Variants in DNAH12 observed in about 807,000 individuals in gnomAD.
The protein encoded by DNAH12 is dynein axonemal heavy chain 12.
DNAH12 carries 285 observed loss-of-function variants against 371.5 expected under a neutral mutation model. The ratio of observed to expected loss-of-function variants is 0.77; its 90% CI spans 0.70 to 0.85. The LOEUF is 0.85. Ranked by LOEUF, DNAH12 falls within the 40% of genes least tolerant of loss-of-function variation. The pLI is 0.00. For missense variants in DNAH12, 3,611 were observed against 3,689.4 expected (o/e 0.98, Z 0.55); for synonymous variants, 1,200 against 1,213.0 (o/e 0.99, Z 0.22).
intron 2 of DNAH12, among the ~76,000 whole-genome samples, chr3:57,527,281 G>C (rs1229769140): frequency 1.3e-5 from 2 of 152,148 alleles, no homozygotes; most frequent in Non-Finnish European, 2.9e-5. Flanking sequence ...AGGATTGCTT[G>C]AGCCCAGGAG....
At chr3:57,449,316 G>C (rs1399148390) in intron 25 of DNAH12, among the ~76,000 whole-genome samples, 1 of 152,236 alleles carries the variant, frequency 6.6e-6, no homozygotes, top group Non-Finnish European at 1.5e-5. Context: ...TGCAGGTGGA[G>C]CTGCCTGCCA....
chr3:57,421,631 A>G lies in DNAH12; in HGVS notation c.5449T>C (p.Phe1817Leu), dbSNP rs1010153577. 2.6e-5 allele frequency: 40 copies of G among 1,551,538 alleles called. No homozygotes were observed. The Middle Eastern group carries it at 5.0e-4, about 19-fold the overall frequency. ...TTTCCCAGTATGATTAATCGTATGA[A>G]AGTATCAAAAACACGACGGCCATCT... Reference protein sequence around the residue: ...DTDGRRVFDTFIRLIILGKDD... With the variant: ...DTDGRRVFDTLIRLIILGKDD... The change falls in exon 36 of 74, where the codon TTC (phenylalanine) becomes CTC (leucine). Residue 1817 changes from phenylalanine (F) to leucine (L), a missense_variant. By Grantham distance (22) the Phe-to-Leu change is conservative. Transcript: ENST00000495027.
At chr3:57,410,541 G>A (rs947916196) in intron 39 of DNAH12, among the ~76,000 whole-genome samples, 8 of 152,010 alleles carry the variant, frequency 5.3e-5, no homozygotes, top group East Asian at 1.9e-4. Context: ...CCTCCAGGCC[G>A]GGTGTGGTGG....
intron 58 of DNAH12, among the ~76,000 whole-genome samples, chr3:57,361,411 TAC>T (rs1180071289): frequency 5.0e-5 from 7 of 139,944 alleles, no homozygotes; most frequent in African/African-American, 8.7e-5. Context: ...TATATATATA[TAC>T]ACACACACTA....
chr3:57,429,892 T>A (rs999335399), intron 32 of DNAH12, 118 bp from the exon 33 acceptor site: 1 of 838,892 alleles, frequency 1.2e-6, no homozygotes, highest in Non-Finnish European at 1.8e-6. Flanking sequence ...AGAATTAGAA[T>A]GGAAGCCAGA....
At chr3:57,495,920 T>C (rs1008084766) in intron 11 of DNAH12, among the ~76,000 whole-genome samples, 2 of 141,422 alleles carry the variant, frequency 1.4e-5, no homozygotes, top group East Asian at 2.0e-4. Context: ...TATATTTCTA[T>C]ATTTATATAT....
intron 13 of DNAH12, among the ~76,000 whole-genome samples, chr3:57,474,974 CAA>C (rs34435525): frequency 6.1e-5 from 9 of 146,510 alleles, no homozygotes; most frequent in South Asian, 2.2e-4. Context: ...GACTCTTTCT[CAA>C]AAAAAAAAAG....
intron 50 of DNAH12, among the ~76,000 whole-genome samples, chr3:57,381,244 T>C (rs979915736): frequency 1.6e-4 from 24 of 151,428 alleles, no homozygotes; most frequent in Non-Finnish European, 2.5e-4. Flanking sequence ...GAGGTGTGTG[T>C]GTGTGTGTGT....
At chr3:57,415,662 A>G in intron 37 of DNAH12, 98 bp from the exon 38 acceptor site, 1 of 1,195,468 alleles carries the variant, frequency 8.4e-7, no homozygotes, top group Non-Finnish European at 1.1e-6. Flanking sequence ...ATAAGAATCA[A>G]ATCATCTTCA....
In DNAH12 at chr3:57,501,318, T is replaced by A. The variant is rs780066654; in HGVS notation, c.1335+3A>T. 3.1e-6 allele frequency: 5 copies of A among 1,599,684 alleles called. No homozygotes were observed. In the South Asian group the frequency reaches 5.7e-5, roughly 18 times the overall value. ...CATTAATAAAAACAGAATTACCGCT[T>A]ACCTCTGTATATTCATCAAAAGTAT... On this transcript the variant is annotated splice_donor_region_variant and intron_variant, in intron 11 of 73. Transcript: ENST00000495027.
chr3:57,317,152 A>G (rs1245723772), intron 65 of DNAH12, among the ~76,000 whole-genome samples: 1 of 152,162 alleles, frequency 6.6e-6, no homozygotes, highest in Non-Finnish European at 1.5e-5. Flanking sequence ...TAACACTATC[A>G]TGGCTGTTGC....
chr3:57,490,323 C>T (rs1184913379), intron 11 of DNAH12, among the ~76,000 whole-genome samples: 1 of 152,000 alleles, frequency 6.6e-6, no homozygotes, highest in Non-Finnish European at 1.5e-5. Context: ...CAGGGTAAGA[C>T]TCTATCTGTT....
In DNAH12 at chr3:57,296,445, T is replaced by C. The variant is rs753350514; in HGVS notation, c.11533-10A>G. On this transcript the variant is annotated splice_polypyrimidine_tract_variant and intron_variant, in intron 71 of 73. Coordinates refer to ENST00000495027, the MANE Select transcript of DNAH12 (RefSeq NM_001366028.2). ...TATCAGATGGGATAACCTGAAGGGATAGGCACACACTAGCAGTGATCCTCT... is the reference window on the plus strand; with the variant it reads ...TATCAGATGGGATAACCTGAAGGGACAGGCACACACTAGCAGTGATCCTCT... 1.3e-4 allele frequency: 201 copies of C among 1,541,912 alleles called. No individual in the cohort carries two copies. The highest frequency in any genetic ancestry group is 1.6e-4 in the South Asian group (13 of 83,634).
chr3:57,366,339 G>A (rs957192052), intron 57 of DNAH12, among the ~76,000 whole-genome samples: 1 of 152,126 alleles, frequency 6.6e-6, no homozygotes, highest in African/African-American at 2.4e-5. Flanking sequence ...AAAAATGGAC[G>A]ACTAGCAGCC....
At chr3:57,470,366 CA>C (rs35152693) in intron 16 of DNAH12, 76 bp downstream of exon 16, 1,373 of 1,220,124 alleles carry the variant, frequency 1.1e-3, no homozygotes, top group African/African-American at 3.8e-3. Flanking sequence ...AACACTTAAC[CA>C]AAAAAAAAAT....
At chr3:57,555,772 C>T in the DNAH12 span, among the ~76,000 whole-genome samples, 3 of 152,396 alleles carry the variant, frequency 2.0e-5, no homozygotes, top group African/African-American at 7.2e-5. Context: ...TTGTTAACTA[C>T]CACAAAGGCT....
rs57399659 is a variant in DNAH12, at chr3:57,504,387, G to GCA, written c.898-185_898-184dup. On this transcript the variant is annotated intron_variant, in intron 8 of 73. Coordinates refer to ENST00000495027, the MANE Select transcript of DNAH12 (RefSeq NM_001366028.2). ...TATATATATGTGTGTATACATACATGCACACACACACACACACATATATAT... is the reference window on the plus strand; with the variant it reads ...TATATATATGTGTGTATACATACATGCACACACACACACACACACATATATAT... Among the ~76,000 whole-genome samples the GCA allele has an allele frequency of 1.6e-3, 236 of 149,846 alleles. 3 individuals are homozygous for GCA. Among genetic ancestry groups the GCA allele is most frequent in the East Asian group, 0.011 (56 of 5,144 alleles).
intron 58 of DNAH12, among the ~76,000 whole-genome samples, chr3:57,362,500 C>T (rs890461940): frequency 0.024 from 3,615 of 152,300 alleles, 66 homozygotes; most frequent in Admixed American, 0.035. Context: ...AAAAGTGTTG[C>T]TATTTCTCCA....
chr3:57,547,123 G>C (rs2069586524), upstream of DNAH12, among the ~76,000 whole-genome samples: 1 of 151,808 alleles, frequency 6.6e-6, no homozygotes, highest in Admixed American at 6.6e-5. Flanking sequence ...ACAGACCATG[G>C]ACTTGGTTAA....
Sources: allele counts gnomAD v4.1 joint callset (sites outside exome capture counted in the v4.1 genomes callset), GRCh38; gene constraint gnomAD v4.1.1; transcripts MANE v1.5; gene names NCBI Gene and HGNC (gene_info 2026-07-23, HGNC 2026-07-21).